ZNF782: variants seen among roughly 807,000 people sequenced by gnomAD.
ZNF782 encodes zinc finger protein 782.
A neutral mutation model predicts 13.0 loss-of-function variants in ZNF782; 12 were observed. The observed-to-expected ratio is 0.92, with a 90% CI of 0.59 to 1.50. The LOEUF is 1.50. Among genes scored for constraint, ZNF782 ranks in the 40% most tolerant of loss-of-function variants. ZNF782 has a pLI of 0.00. For missense variants in ZNF782, 770 were observed against 822.9 expected (o/e 0.94, Z 0.79); for synonymous variants, 284 against 283.0 (o/e 1.00, Z -0.04).
At chr9:96,874,278 G>A (rs1044718964) in intron 1 of ZNF782, among the ~76,000 whole-genome samples, 1 of 152,194 alleles carries the variant, frequency 6.6e-6, no homozygotes, top group African/African-American at 2.4e-5. Context: ...GGTTTCAAAT[G>A]AGTCACAAGT....
intron 1 of ZNF782, among the ~76,000 whole-genome samples, chr9:96,866,957 T>A (rs1394799777): frequency 6.6e-6 from 1 of 152,220 alleles, no homozygotes; most frequent in Non-Finnish European, 1.5e-5. Context: ...GTACCCCCAT[T>A]GTATCTAGGA....
At chr9:96,834,286 C>A (rs551615277) in intron 4 of ZNF782, among the ~76,000 whole-genome samples, 69 of 152,318 alleles carry the variant, frequency 4.5e-4, no homozygotes, top group Middle Eastern at 3.4e-3. Context: ...TGGGCTTCCC[C>A]CTTCACTGGG....
At chr9:96,845,382 C>T (rs111496139) in intron 3 of ZNF782, among the ~76,000 whole-genome samples, 3 of 152,180 alleles carry the variant, frequency 2.0e-5, no homozygotes, top group African/African-American at 4.8e-5. Flanking sequence ...CCTGCCTCAG[C>T]CTCCCAAGTA....
At chr9:96,871,666 A>C (rs1441296262) in intron 1 of ZNF782, among the ~76,000 whole-genome samples, 2 of 152,198 alleles carry the variant, frequency 1.3e-5, no homozygotes, top group Non-Finnish European at 2.9e-5. Flanking sequence ...GCCTGGAAAT[A>C]GCCATTGCAC....
At chr9:96,826,972 T>C in intron 5 of ZNF782, 108 bp downstream of exon 5, 1 of 698,228 alleles carries the variant, frequency 1.4e-6, no homozygotes, top group Non-Finnish European at 2.2e-6. Context: ...TTTTTGTTTG[T>C]ATTTTTTCAG....
the ZNF782 span, chr9:96,889,757 G>C: frequency 6.6e-6 from 1 of 151,992 alleles, no homozygotes; most frequent in Non-Finnish European, 1.5e-5. Flanking sequence ...CTGTACTTGG[G>C]TCATATATAT....
chr9:96,820,705 A>G lies in ZNF782; in HGVS notation c.245-927T>C, dbSNP rs568502260. 3.3e-5 allele frequency among the ~76,000 whole-genome samples: 5 copies of G among 152,172 alleles called. No homozygotes were observed. In the South Asian group the frequency reaches 1.0e-3, roughly 32 times the overall value. On this transcript the variant is annotated intron_variant, in intron 5 of 5. Coordinates refer to ENST00000481138, the MANE Select transcript of ZNF782 (RefSeq NM_001001662.3). ...GCTGGGATTACAGGCATGTGCCACC[A>G]TGCCCGGCTAATTTTTGTATTTTTA...
At chr9:96,859,629 ACATGC>A (rs1851681628) in intron 3 of ZNF782, among the ~76,000 whole-genome samples, 1 of 152,164 alleles carries the variant, frequency 6.6e-6, no homozygotes, top group Non-Finnish European at 1.5e-5. Context: ...ACCAGGTAGT[ACATGC>A]CATGGGCCTC....
the ZNF782 span, chr9:96,887,336 A>AGGACGGAC: frequency 2.1e-5 from 3 of 146,098 alleles, no homozygotes; most frequent in African/African-American, 5.0e-5. Flanking sequence ...GAAGGAAGGA[A>AGGACGGAC]GGAAGAAAGA....
At chr9:96,858,698 T>TTTTGTTTG (rs148625390), upstream of ZNF782, among the ~76,000 whole-genome samples, 1 of 151,766 alleles carries the variant, frequency 6.6e-6, no homozygotes, top group Non-Finnish European at 1.5e-5. The surrounding 1 kb of genome is among the most constrained non-coding windows in gnomAD (Gnocchi z 4.4). Context: ...TGGCGCGAGG[T>TTTTGTTTG]TTTGTTTGTT....
At chr9:96,917,768 G>C in the ZNF782 span, among the ~76,000 whole-genome samples, 6 of 151,528 alleles carry the variant, frequency 4.0e-5, no homozygotes, top group Non-Finnish European at 7.4e-5. Context: ...TCTTTGCCCA[G>C]AATGCAGCAC....
At chr9:96,881,082 C>T in the ZNF782 span, among the ~76,000 whole-genome samples, 1 of 152,022 alleles carries the variant, frequency 6.6e-6, no homozygotes, top group Non-Finnish European at 1.5e-5. Context: ...ACTTATTAAG[C>T]TTTTAATGTC....
rs370094712 is a variant in ZNF782 at position 96,825,741 on chromosome 9, C to T, written c.244+1339G>A. Among the ~76,000 whole-genome samples the T allele has an allele frequency of 2.5e-4, 38 of 152,232 alleles. 1 individual carries two copies. Among genetic ancestry groups the T allele is most frequent in the South Asian group, 1.0e-3 (5 of 4,820 alleles). ...ACCCCATCAAAAAGTGGGCAAAGGA[C>T]ATGAACAGACACTTCTCAAAAGAAG... On this transcript the variant is annotated intron_variant, in intron 5 of 5. Transcript: ENST00000481138.
rs957895002 is a variant in ZNF782 at position 96,818,351 on chromosome 9, CT to C, written c.1671del (p.Glu559LysfsTer75). Reference protein sequence around the residue: ...SQLRGHHRIHTGEKPYKCNHC... With the variant: ...SQLRGHHRIHXGEKPYKCNHC... The stretch of plus-strand genomic sequence containing the variant: ...TGATTACATTTATAGGGTTTTTCCC[CT>C]GTGTGAATTCTATGATGTCCTCTGA... On this transcript the variant is annotated frameshift_variant, in exon 6 of 6. Transcript: ENST00000481138. LOFTEE classifies it low-confidence loss of function (END_TRUNC). The C allele has an allele frequency of 1.9e-6, 3 of 1,613,922 alleles. No individual in the cohort carries two copies. Among genetic ancestry groups the C allele is most frequent in the Non-Finnish European group, 2.5e-6 (3 of 1,179,880 alleles).
At chr9:96,823,081 C>T (rs1397793809) in intron 5 of ZNF782, among the ~76,000 whole-genome samples, 2 of 152,134 alleles carry the variant, frequency 1.3e-5, no homozygotes, top group African/African-American at 4.8e-5. Context: ...TTTATAACTT[C>T]TAGAGCAGGA....
rs543226632 is a variant in ZNF782 at position 96,868,739 on chromosome 9, A to C, written c.-457+6729T>G. Among the ~76,000 whole-genome samples the C allele has an allele frequency of 5.9e-5, 9 of 152,252 alleles. No homozygotes were observed. In the South Asian group the frequency reaches 1.7e-3, roughly 28 times the overall value. ...TTGAATGCTTTCTTGTGTTTCTTTC[A>C]TCGATAGGGTTCTGTACAGTGTGAG... On this transcript the variant is annotated intron_variant, in intron 1 of 5. Transcript: ENST00000498811.
chr9:96,931,858 C>T, the ZNF782 span: 24 of 1,612,430 alleles, frequency 1.5e-5, no homozygotes, highest in South Asian at 2.2e-5. Flanking sequence ...TTCCTCCAGC[C>T]GGCCCTCTGG....
intron 1 of ZNF782, among the ~76,000 whole-genome samples, chr9:96,853,526 T>C (rs1851564525): frequency 6.6e-6 from 1 of 152,144 alleles, no homozygotes; most frequent in South Asian, 2.1e-4. Flanking sequence ...ATCTGACTCT[T>C]AGAATTCTTT....
chr9:96,877,469 TG>T (rs1425870823), upstream of ZNF782, among the ~76,000 whole-genome samples: 1 of 152,214 alleles, frequency 6.6e-6, no homozygotes, highest in African/African-American at 2.4e-5. Context: ...TCCAGCCTCC[TG>T]GGGGTACCTG....
Sources: allele counts gnomAD v4.1 joint callset (sites outside exome capture counted in the v4.1 genomes callset), GRCh38; gene constraint gnomAD v4.1.1; non-coding constraint Gnocchi (gnomAD v3.1); transcripts MANE v1.5; gene names NCBI Gene and HGNC (gene_info 2026-07-23, HGNC 2026-07-21).